Variants in PCDHA11 observed in about 807,000 individuals in gnomAD.
PCDHA11 encodes the protein protocadherin alpha 11.
PCDHA11 carries 61 observed loss-of-function variants against 70.3 expected under a neutral mutation model. The ratio of observed to expected loss-of-function variants is 0.87; its 90% CI spans 0.71 to 1.07. The LOEUF (loss-of-function observed/expected upper bound fraction) is 1.07, where lower values mean the gene tolerates loss of function less well. Ranked by LOEUF, PCDHA11 falls within the 50% of genes least tolerant of loss-of-function variation. The pLI, the probability that PCDHA11 is intolerant of heterozygous loss-of-function variation, is 0.00. For missense variants in PCDHA11, 1,324 were observed against 1,237.5 expected, an observed-to-expected ratio of 1.07 and a Z score of -1.05; for synonymous variants, 633 against 555.1, an observed-to-expected ratio of 1.14 and a Z score of -1.97.
chr5:140,878,927 A>G (rs1176306554), intron 1 of PCDHA11, among the ~76,000 whole-genome samples: 1 of 152,216 alleles, frequency 6.6e-6, no homozygotes, highest in African/African-American at 2.4e-5. Context: ...TCAATCAATA[A>G]TTTTAAATAA....
chr5:140,967,401 G>A lies in PCDHA11; in HGVS notation c.2392-11548G>A. On this transcript the variant is annotated intron_variant, in intron 1 of 3. Transcript: ENST00000398640. ...AGTAAAGTGCTTGAGCTGGTGCTGC[G>A]TAAGGGCCTAGACCGGGAGCAGGCA... 3.1e-6 allele frequency: 5 copies of A among 1,611,944 alleles called. No individual in the cohort carries two copies. Among genetic ancestry groups the A allele is most frequent in the East Asian group, 2.2e-5 (1 of 44,806 alleles).
chr5:141,008,241 C>G (rs1474460463), intron 3 of PCDHA11, among the ~76,000 whole-genome samples: 2 of 152,118 alleles, frequency 1.3e-5, no homozygotes, highest in African/African-American at 2.4e-5. Flanking sequence ...TGCTCAGGGA[C>G]ACCAAATTAG....
chr5:140,981,350 G>T (rs2096928266), intron 2 of PCDHA11, among the ~76,000 whole-genome samples: 1 of 152,168 alleles, frequency 6.6e-6, no homozygotes. Flanking sequence ...GAGGCAGGTG[G>T]ATCACTTGAG....
intron 1 of PCDHA11, among the ~76,000 whole-genome samples, chr5:140,954,517 A>G (rs1554221451): frequency 6.6e-6 from 1 of 152,182 alleles, no homozygotes; most frequent in Non-Finnish European, 1.5e-5. Flanking sequence ...TTACCTAATG[A>G]TCAGTGATGT....
chr5:140,912,122 C>A (rs1008861945), intron 1 of PCDHA11, among the ~76,000 whole-genome samples: 1 of 152,194 alleles, frequency 6.6e-6, no homozygotes, highest in Admixed American at 6.5e-5. Context: ...GAGGCTAAGT[C>A]AGTCTAATCT....
At chr5:140,936,449 C>A (rs1245206418) in intron 1 of PCDHA11, among the ~76,000 whole-genome samples, 1 of 152,174 alleles carries the variant, frequency 6.6e-6, no homozygotes, top group African/African-American at 2.4e-5. Context: ...ATAACCACAT[C>A]TGTTTAGTGG....
intron 3 of PCDHA11, among the ~76,000 whole-genome samples, chr5:140,986,736 A>G (rs1056820843): frequency 1.3e-5 from 2 of 152,206 alleles, no homozygotes; most frequent in Non-Finnish European, 2.9e-5. Flanking sequence ...TCAAGACCCC[A>G]GGGGATCTGG....
chr5:140,886,023 C>A (rs759768435), intron 1 of PCDHA11, among the ~76,000 whole-genome samples: 5 of 152,078 alleles, frequency 3.3e-5, no homozygotes, highest in Non-Finnish European at 7.4e-5. Flanking sequence ...GCTATGTATT[C>A]TTCACTAAGT....
chr5:140,934,172 G>A (rs781789188), intron 1 of PCDHA11, among the ~76,000 whole-genome samples: 47 of 152,018 alleles, frequency 3.1e-4, no homozygotes, highest in Non-Finnish European at 6.6e-4. Flanking sequence ...TGCAACAGAA[G>A]TACTCTAAAC....
chr5:140,945,850 T>G (rs1472612975), intron 1 of PCDHA11, among the ~76,000 whole-genome samples: 1 of 152,102 alleles, frequency 6.6e-6, no homozygotes, highest in Non-Finnish European at 1.5e-5. Context: ...ATTAAAGACT[T>G]AAACATAGAC....
chr5:140,871,226 G>T lies in PCDHA11; in HGVS notation c.2123G>T (p.Ser708Ile). 6.2e-7 allele frequency: 1 copy of T among 1,613,918 alleles called. No individual in the cohort carries two copies. Among genetic ancestry groups the T allele is most frequent in the South Asian group, 1.1e-5 (1 of 91,090 alleles). ...YLIIAICVVS[S>I]LLVLTLLLYT... ...ATCATCGCCATCTGCGTGGTGTCCAGCCTCCTGGTACTCACGCTGCTGCTG... is the reference window on the plus strand; with the variant it reads ...ATCATCGCCATCTGCGTGGTGTCCATCCTCCTGGTACTCACGCTGCTGCTG... The change falls in exon 1 of 4, where the codon AGC (serine) becomes ATC (isoleucine). Residue 708 changes from serine (S) to isoleucine (I), a missense_variant. Coordinates refer to ENST00000398640, the MANE Select transcript of PCDHA11 (RefSeq NM_018902.5).
intron 1 of PCDHA11, chr5:140,883,794 C>A (rs781822448): frequency 6.2e-7 from 1 of 1,612,476 alleles, no homozygotes; most frequent in Non-Finnish European, 8.5e-7. Flanking sequence ...AGCTACGTGT[C>A]GGTGCACGCG....
chr5:140,944,209 A>T (rs1003348568), intron 1 of PCDHA11, among the ~76,000 whole-genome samples: 5 of 152,298 alleles, frequency 3.3e-5, no homozygotes, highest in Non-Finnish European at 5.9e-5. Flanking sequence ...TTGTTTTTAA[A>T]GAGGGTTTTA....
Position 140,982,534 on chromosome 5 carries a change from A to G in PCDHA11, c.2510A>G (p.Gln837Arg), listed in dbSNP as rs1554244431. Residue 837 changes from glutamine (Q) to arginine (R), a missense_variant, in exon 3 of 4, where the codon CAG becomes CGG. By Grantham distance (43) the Gln-to-Arg change is conservative. Transcript: ENST00000398640. ...GCTGGTCCAGGAGGGCCTGATCAGC[A>G]GTGGCCAACAGTATCCAGTGCAACA... ...LRAGPGGPDQ[Q>R]WPTVSSATPE... 1 of 1,614,222 alleles carries G rather than the reference A, an allele frequency of 6.2e-7. No homozygotes were observed. Among genetic ancestry groups the G allele is most frequent in the Non-Finnish European group, 8.5e-7 (1 of 1,180,036 alleles).
intron 1 of PCDHA11, among the ~76,000 whole-genome samples, chr5:140,946,679 C>T (rs556487333): frequency 4.1e-5 from 6 of 144,812 alleles, no homozygotes; most frequent in East Asian, 4.0e-4. Flanking sequence ...TCCTGTCATT[C>T]GTGACAATAT....
chr5:140,993,943 A>C (rs1055382423), intron 3 of PCDHA11, among the ~76,000 whole-genome samples: 1 of 152,220 alleles, frequency 6.6e-6, no homozygotes, highest in Admixed American at 6.5e-5. Flanking sequence ...CCCCATTGTT[A>C]AGTGATACAT....
chr5:140,873,592 T>A (rs936003894), intron 1 of PCDHA11, among the ~76,000 whole-genome samples: 3 of 152,234 alleles, frequency 2.0e-5, no homozygotes, highest in African/African-American at 7.2e-5. Flanking sequence ...TAAGCTAAAC[T>A]TAGATGTTCC....
intron 1 of PCDHA11, among the ~76,000 whole-genome samples, chr5:140,910,364 TATGCCCACCTTGCC>T: frequency 6.6e-6 from 1 of 152,222 alleles, no homozygotes; most frequent in Admixed American, 6.5e-5. Context: ...TTATGGTAGC[TATGCCCACCTTGCC>T]TTTGACAGTT....
At chr5:140,965,496 ATTTTTT>A (rs71766133) in intron 1 of PCDHA11, among the ~76,000 whole-genome samples, 2 of 146,442 alleles carry the variant, frequency 1.4e-5, no homozygotes, top group African/African-American at 2.5e-5. Flanking sequence ...ATGACAGCAG[ATTTTTT>A]TTTTTTTTTA....
Sources: gnomAD v4.1 joint callset for allele counts (sites outside exome capture counted in the v4.1 genomes callset) on GRCh38, gnomAD v4.1.1 for gene constraint, MANE v1.5 for transcripts, NCBI Gene and HGNC (gene_info 2026-07-23, HGNC 2026-07-21) for gene names.